Variants in PDS5B observed in about 807,000 individuals in gnomAD.
PDS5B encodes sister chromatid cohesion protein PDS5 homolog B.
PDS5B carries 51 observed loss-of-function variants against 184.1 expected under a neutral mutation model. The observed-to-expected ratio is 0.28, with a 90% CI of 0.22 to 0.35. The LOEUF is 0.35. Among genes scored for constraint, PDS5B ranks in the 10% least tolerant of loss-of-function variants. The probability of loss-of-function intolerance (pLI) is 1.00; values close to 1 mark genes in which losing one functional copy is unlikely to be tolerated. For synonymous variants in PDS5B, 566 were observed against 569.2 expected (o/e 0.99, Z 0.08); for missense variants, 1,180 against 1,723.3 (o/e 0.68, Z 5.58).
At chr13:32,761,656 G>A (rs570676969) in intron 30 of PDS5B, among the ~76,000 whole-genome samples, 15 of 152,150 alleles carry the variant, frequency 9.9e-5, no homozygotes, top group South Asian at 4.1e-4. Flanking sequence ...TTATGGCTGC[G>A]TAGTATTCCA....
At chr13:32,772,904 A>C (rs561137085) in intron 33 of PDS5B, among the ~76,000 whole-genome samples, 41 of 152,248 alleles carry the variant, frequency 2.7e-4, no homozygotes, top group Middle Eastern at 6.8e-3. Flanking sequence ...AGCTCAGTAG[A>C]CATAGATGCC....
intron 20 of PDS5B, among the ~76,000 whole-genome samples, chr13:32,734,342 A>G (rs1487107469): frequency 1.3e-5 from 2 of 152,140 alleles, no homozygotes; most frequent in African/African-American, 2.4e-5. Flanking sequence ...CCTTAACAAT[A>G]TATTTCTGAT....
chr13:32,716,859 G>A (rs1344752649), intron 19 of PDS5B, among the ~76,000 whole-genome samples: 7 of 123,406 alleles, frequency 5.7e-5, no homozygotes, highest in East Asian at 4.7e-4. Flanking sequence ...TCAGCCCCCC[G>A]CCCGGCCAGC....
intron 24 of PDS5B, among the ~76,000 whole-genome samples, chr13:32,752,482 CATA>C (rs1954020802): frequency 6.6e-6 from 1 of 152,108 alleles, no homozygotes; most frequent in African/African-American, 2.4e-5. Context: ...GAGATAAAAA[CATA>C]ATTCTTTTCT....
chr13:32,738,354 A>G (rs1953412758), intron 21 of PDS5B, among the ~76,000 whole-genome samples: 1 of 152,332 alleles, frequency 6.6e-6, no homozygotes. Context: ...CAATAATGTT[A>G]TTATACACTG....
chr13:32,607,852 C>G (rs147261717), intron 1 of PDS5B, among the ~76,000 whole-genome samples: 1 of 152,212 alleles, frequency 6.6e-6, no homozygotes, highest in Non-Finnish European at 1.5e-5. Flanking sequence ...GTGTGGGACC[C>G]GCTGAGCCAG....
intron 31 of PDS5B, among the ~76,000 whole-genome samples, chr13:32,768,815 A>G (rs1954675510): frequency 8.0e-6 from 1 of 125,260 alleles, no homozygotes; most frequent in African/African-American, 2.9e-5. Context: ...AAGAAAAAAA[A>G]AAAAAGCTGG....
At chr13:32,615,307 C>G (rs1428321432) in intron 1 of PDS5B, among the ~76,000 whole-genome samples, 1 of 152,044 alleles carries the variant, frequency 6.6e-6, no homozygotes, top group Non-Finnish European at 1.5e-5. Flanking sequence ...TTATGAAATT[C>G]TTATACATTA....
chr13:32,713,136 A>C (rs1178478236), intron 19 of PDS5B, among the ~76,000 whole-genome samples: 1 of 152,208 alleles, frequency 6.6e-6, no homozygotes, highest in African/African-American at 2.4e-5. Flanking sequence ...GATAAATTAC[A>C]CAGAGAAAAA....
At chr13:32,706,679 T>C (rs1305306047) in intron 17 of PDS5B, among the ~76,000 whole-genome samples, 1 of 152,194 alleles carries the variant, frequency 6.6e-6, no homozygotes. Flanking sequence ...ATAAAGATAT[T>C]GATAGCATTA....
At chr13:32,766,900 A>G (rs996924389) in intron 31 of PDS5B, among the ~76,000 whole-genome samples, 1 of 152,198 alleles carries the variant, frequency 6.6e-6, no homozygotes. Flanking sequence ...ATCTTTGGAC[A>G]TCAAAAAGAA....
intron 17 of PDS5B, among the ~76,000 whole-genome samples, chr13:32,703,438 TAAAC>T (rs1378877826): frequency 1.3e-5 from 2 of 152,152 alleles, no homozygotes; most frequent in Non-Finnish European, 2.9e-5. Flanking sequence ...TGTCAAAACA[TAAAC>T]AATAAGAACA....
chr13:32,769,477 T>G (rs1490059648), intron 31 of PDS5B, among the ~76,000 whole-genome samples: 2 of 152,220 alleles, frequency 1.3e-5, no homozygotes, highest in Non-Finnish European at 2.9e-5. Context: ...CACATATAGA[T>G]TCTCTGAATA....
At chr13:32,639,209 G>A (rs2058617247) in intron 1 of PDS5B, among the ~76,000 whole-genome samples, 1 of 152,090 alleles carries the variant, frequency 6.6e-6, no homozygotes, top group Admixed American at 6.5e-5. Flanking sequence ...ATATTCCAGG[G>A]CCTGGGGCTC....
intron 19 of PDS5B, among the ~76,000 whole-genome samples, chr13:32,729,968 T>G (rs1953050938): frequency 6.6e-6 from 1 of 152,228 alleles, no homozygotes; most frequent in Non-Finnish European, 1.5e-5. Flanking sequence ...ATTTGTCAAT[T>G]TTGGCTTTTG....
intron 19 of PDS5B, among the ~76,000 whole-genome samples, chr13:32,724,600 T>TTAA (rs1178264938): frequency 6.6e-6 from 1 of 151,822 alleles, no homozygotes; most frequent in Admixed American, 6.6e-5. Context: ...TTTGATTTTT[T>TTAA]TAACAGGGTC....
intron 10 of PDS5B, among the ~76,000 whole-genome samples, chr13:32,681,708 C>T (rs1262587132): frequency 6.6e-6 from 1 of 151,714 alleles, no homozygotes; most frequent in African/African-American, 2.4e-5. Flanking sequence ...CCCCATATAC[C>T]CTGTTCCATT....
intron 1 of PDS5B, among the ~76,000 whole-genome samples, chr13:32,589,242 TA>T (rs71740934): frequency 0.34 from 51,355 of 152,016 alleles, 8,915 homozygotes; most frequent in Non-Finnish European, 0.38. Flanking sequence ...GGGCAGCCCT[TA>T]AGATATCCTG....
At chr13:32,641,004 C>T (rs1252140077) in intron 1 of PDS5B, among the ~76,000 whole-genome samples, 2 of 150,392 alleles carry the variant, frequency 1.3e-5, no homozygotes, top group Non-Finnish European at 2.9e-5. Flanking sequence ...TTGCAGTGAG[C>T]CGAGATCACG....
Sources: allele counts gnomAD v4.1 joint callset (sites outside exome capture counted in the v4.1 genomes callset), GRCh38; gene constraint gnomAD v4.1.1; transcripts MANE v1.5; gene names NCBI Gene and HGNC (gene_info 2026-07-23, HGNC 2026-07-21).